Variants in WDR11 observed in about 807,000 individuals in gnomAD.
The protein encoded by WDR11 is WD repeat domain 11, also known as WD repeat-containing protein 11.
Under a neutral mutation model 151.2 loss-of-function variants are expected in WDR11, and 83 were observed. That is an observed-to-expected ratio of 0.55 (90% CI 0.46 to 0.66). WDR11 has a LOEUF of 0.66. WDR11 is among the 30% of genes least tolerant of loss of function. The pLI is 0.00. For synonymous variants in WDR11, 484 were observed against 533.1 expected, an observed-to-expected ratio of 0.91 and a Z score of 1.27; for missense variants, 1,301 against 1,480.9, an observed-to-expected ratio of 0.88 and a Z score of 1.99.
In WDR11 at chr10:120,874,192, TG is replaced by T. The variant is rs376881514; in HGVS notation, c.1556+270del. 0.15 allele frequency among the ~76,000 whole-genome samples: 16,540 copies of T among 113,742 alleles called. 1,679 individuals are homozygous for T. Among genetic ancestry groups the T allele is most frequent in the Admixed American group, 0.18 (1,789 of 10,106 alleles). 74.6% of individuals were successfully genotyped at this position (113,742 alleles called of 152,430 possible). ...GTTTTTGCAGTTTTTTTTTTTTTTT[TG>T]TTGTTGTTGTTGTTGTTTGTTTTGT... On this transcript the variant is annotated intron_variant, in intron 11 of 28. Coordinates refer to ENST00000263461, the MANE Select transcript of WDR11 (RefSeq NM_018117.12).
chr10:120,906,002 G>A lies in WDR11; in HGVS notation c.3418G>A (p.Val1140Met), dbSNP rs539730288. 8.1e-6 allele frequency: 13 copies of A among 1,613,828 alleles called. No homozygotes were observed. The highest frequency in any genetic ancestry group is 4.5e-5 in the East Asian group (2 of 44,878). The change falls in exon 27 of 29, where the codon GTG becomes ATG. Residue 1140 changes from valine to methionine, a missense_variant. Coordinates refer to ENST00000263461, the MANE Select transcript of WDR11 (RefSeq NM_018117.12). ...CCTCTCTCTGGGCTGCTTTTTTAGC[G>A]TGGCAGAGACGCTTCACAGGTAAAC... ...VLLSLGCFFS[V>M]AETLHSMRYF...
At chr10:120,881,571 G>A (rs959018110) in intron 13 of WDR11, among the ~76,000 whole-genome samples, 1 of 152,024 alleles carries the variant, frequency 6.6e-6, no homozygotes, top group Non-Finnish European at 1.5e-5. Context: ...GCAATATTTT[G>A]TAGTTTTCAG....
In WDR11 at chr10:120,889,065, TG is replaced by T. The variant is rs769243341; in HGVS notation, c.2122-12del. On this transcript the variant is annotated splice_polypyrimidine_tract_variant and intron_variant, in intron 16 of 28. Coordinates refer to ENST00000263461, the MANE Select transcript of WDR11 (RefSeq NM_018117.12). ...AGTGAAATTTATATTTGTTTGTTGC[TG>T]TTGTTTTCTAGGGAAGTATGGGTAG... The T allele has an allele frequency of 1.3e-6, 2 of 1,568,118 alleles. No homozygotes were observed. The highest frequency in any genetic ancestry group is 1.8e-6 in the Non-Finnish European group (2 of 1,138,292).
Position 120,853,199 on chromosome 10 carries a change from A to G in WDR11, c.198+564A>G, listed in dbSNP as rs75514196. Among the ~76,000 whole-genome samples the G allele has an allele frequency of 7.6e-3, 1,151 of 152,314 alleles. 13 individuals carry two copies. Among genetic ancestry groups the G allele is most frequent in the African/African-American group, 0.024 (990 of 41,568 alleles). On this transcript the variant is annotated intron_variant, in intron 2 of 28. Transcript: ENST00000263461. ...TAAAGATGGGACACTTGTAGGAGTG[A>G]TGAAATAAGAGGCAGCCAGAGAGAT... is the stretch of plus-strand genomic sequence containing the variant.
At chr10:120,906,347 A>G in intron 27 of WDR11, 1 of 1,255,558 alleles carries the variant, frequency 8.0e-7, no homozygotes, top group Non-Finnish European at 1.0e-6. Context: ...GAGCAGGGGG[A>G]GAGGCGACAG....
In WDR11 at chr10:120,886,755, A is replaced by G. The variant is rs759719252; in HGVS notation, c.2040A>G (p.Val680=). 2.5e-6 allele frequency: 4 copies of G among 1,614,050 alleles called. No homozygotes were observed. In the Admixed American group the frequency reaches 6.7e-5, roughly 27 times the overall value. The change falls in exon 16 of 29, where the codon GTA becomes GTG. Residue 680 remains valine (V), a synonymous_variant. Transcript: ENST00000263461. ...ACATCTCTGCCCGGGAACATTTTGTATTTACCGATATTGATGGCCAAGTGT... is the reference window on the plus strand; with the variant it reads ...ACATCTCTGCCCGGGAACATTTTGTGTTTACCGATATTGATGGCCAAGTGT... ...SQNISAREHF[V]FTDIDGQVYH... is the part of the protein sequence containing the mutation.
chr10:120,872,466 A>G (rs1028430036), intron 10 of WDR11, among the ~76,000 whole-genome samples: 3 of 152,188 alleles, frequency 2.0e-5, no homozygotes, highest in African/African-American at 7.2e-5. Flanking sequence ...TGGGATAGCT[A>G]TGTAATAAGA....
chr10:120,884,606 CAA>C (rs34657107), intron 14 of WDR11, among the ~76,000 whole-genome samples: 9 of 126,056 alleles, frequency 7.1e-5, no homozygotes, highest in Admixed American at 8.0e-5. Context: ...AACCAAAAGG[CAA>C]AAAAAAAAAA....
At position 120,899,847 on chromosome 10, in the gene WDR11, T is replaced by C; in HGVS notation, c.2516-182T>C. The C allele has an allele frequency of 4.8e-6, 3 of 619,198 alleles. No homozygotes were observed. The East Asian group carries it at 8.2e-5, about 17-fold the overall frequency. The allele number at this position is 619,198 out of a possible 1,614,324, so 38.4% of individuals were successfully genotyped here. A position where few individuals can be genotyped will look rare whatever the true frequency, so the allele number is the denominator to read the frequency against. ...GAAAAATATGTTAATCAGATTTGAA[T>C]GCAGAGACTCTCTCTGCTCTTGGCT... On this transcript the variant is annotated intron_variant, in intron 19 of 28. Coordinates refer to ENST00000263461, the MANE Select transcript of WDR11 (RefSeq NM_018117.12).
At chr10:120,855,528 ATTG>A (rs369342218) in intron 2 of WDR11, among the ~76,000 whole-genome samples, 3 of 151,912 alleles carry the variant, frequency 2.0e-5, no homozygotes, top group African/African-American at 7.3e-5. Flanking sequence ...ATTATTTTGT[ATTG>A]TTGTTGCTTG....
rs1356779819 is a variant in WDR11 at position 120,878,404 on chromosome 10, A to G, written c.1608A>G (p.Thr536=). 6.2e-7 allele frequency: 1 copy of G among 1,613,314 alleles called. No individual in the cohort carries two copies. Among genetic ancestry groups the G allele is most frequent in the East Asian group, 2.2e-5 (1 of 44,722 alleles). Residue 536 remains threonine (T), a synonymous_variant, in exon 12 of 29, where the codon ACA becomes ACG. Transcript: ENST00000263461. The stretch of plus-strand genomic sequence containing the variant: ...GTTTTCTTTCTTTTGCTACCTCAAC[A>G]CCAAACAATATGGGATTAGTGAGAA... ...LTSFLSFATS[T]PNNMGLVRNE...
intron 19 of WDR11, among the ~76,000 whole-genome samples, chr10:120,896,902 G>A (rs1847635006): frequency 6.6e-6 from 1 of 152,206 alleles, no homozygotes; most frequent in Admixed American, 6.5e-5. Flanking sequence ...CTCAATGGCA[G>A]TGAGCGCACA....
rs1362597506 is a variant in WDR11 at position 120,890,701 on chromosome 10, A to T, written c.2344-15A>T. ...CTTTTCTGTCTGGAAGTGATGCCCA[A>T]ATTCACTCTTGAAGGTTCAGATGGT... On this transcript the variant is annotated splice_polypyrimidine_tract_variant and intron_variant, in intron 18 of 28. Coordinates refer to ENST00000263461, the MANE Select transcript of WDR11 (RefSeq NM_018117.12). 6.2e-7 allele frequency: 1 copy of T among 1,613,984 alleles called. No individual in the cohort carries two copies. The highest frequency in any genetic ancestry group is 1.3e-5 in the African/African-American group (1 of 74,904).
chr10:120,878,586 C>A, intron 12 of WDR11, 127 bp downstream of exon 12: 2 of 710,928 alleles, frequency 2.8e-6, no homozygotes, highest in South Asian at 3.7e-5. Flanking sequence ...TATATTTATT[C>A]TTTTATTCTC....
intron 10 of WDR11, among the ~76,000 whole-genome samples, chr10:120,872,597 T>C (rs1846587277): frequency 6.6e-6 from 1 of 151,898 alleles, no homozygotes; most frequent in East Asian, 1.9e-4. Flanking sequence ...TGTCTAGAGG[T>C]GTCACTAAGA....
chr10:120,905,455 C>T lies in WDR11; in HGVS notation c.3291+39C>T, dbSNP rs1866516. The stretch of plus-strand genomic sequence containing the variant: ...AGTTTCAATAGGTGCCCTCAACATT[C>T]GGGATAGAAAGCTCAGTCCTGAACT... On this transcript the variant is annotated intron_variant, in intron 26 of 28. Transcript: ENST00000263461. 0.59 allele frequency: 951,301 copies of T among 1,605,366 alleles called. 285,104 individuals carry two copies. The highest frequency in any genetic ancestry group is 0.82 in the African/African-American group (61,201 of 74,834).
At chr10:120,857,540 A>G (rs1014754075) in intron 2 of WDR11, among the ~76,000 whole-genome samples, 1 of 129,004 alleles carries the variant, frequency 7.8e-6, no homozygotes, top group African/African-American at 2.9e-5. Context: ...ACATATGCAT[A>G]TATACACATA....
At chr10:120,859,675 AC>A (rs1411139948) in intron 3 of WDR11, among the ~76,000 whole-genome samples, 1 of 152,174 alleles carries the variant, frequency 6.6e-6, no homozygotes, top group African/African-American at 2.4e-5. Flanking sequence ...TGTACTAGGT[AC>A]TGAACTAGAT....
intron 21 of WDR11, among the ~76,000 whole-genome samples, chr10:120,901,527 T>C (rs947291379): frequency 1.3e-5 from 2 of 152,162 alleles, no homozygotes; most frequent in Non-Finnish European, 2.9e-5. Flanking sequence ...GGCTAAGAAA[T>C]TAATGTGCTC....
Sources: gnomAD v4.1 joint callset for allele counts (sites outside exome capture counted in the v4.1 genomes callset) on GRCh38, gnomAD v4.1.1 for gene constraint, MANE v1.5 for transcripts, NCBI Gene and HGNC (gene_info 2026-07-23, HGNC 2026-07-21) for gene names.